Variants in C8orf89 observed in about 807,000 individuals in gnomAD.
C8orf89 encodes the protein putative uncharacterized protein C8orf89.
C8orf89 carries 14 observed loss-of-function variants against 15.8 expected under a neutral mutation model. The ratio of observed to expected loss-of-function variants is 0.89; its 90% CI spans 0.59 to 1.39. C8orf89 has a LOEUF of 1.39. Among genes scored for constraint, C8orf89 ranks in the 40% most tolerant of loss-of-function variants. C8orf89 has a pLI of 0.00. For missense variants in C8orf89, 181 were observed against 184.5 expected (o/e 0.98, Z 0.11); for synonymous variants, 55 against 62.2 (o/e 0.88, Z 0.54).
intron 2 of C8orf89, among the ~76,000 whole-genome samples, chr8:73,253,024 T>C (rs1035693570): frequency 1.3e-5 from 2 of 152,180 alleles, no homozygotes; most frequent in Admixed American, 1.3e-4. Context: ...GCGCCTGTAG[T>C]CCCAGCTACT....
chr8:73,250,990 C>T (rs1028231121), intron 2 of C8orf89, among the ~76,000 whole-genome samples: 5 of 151,858 alleles, frequency 3.3e-5, no homozygotes, highest in Non-Finnish European at 4.4e-5. Context: ...TTTGTAAAGA[C>T]GGGGTCTCAC....
At chr8:73,280,288 G>A in the C8orf89 span, among the ~76,000 whole-genome samples, 1 of 152,142 alleles carries the variant, frequency 6.6e-6, no homozygotes, top group African/African-American at 2.4e-5. Context: ...GCAAAATGGG[G>A]ACCCTTCCAT....
the C8orf89 span, chr8:73,277,723 G>A: frequency 1.3e-6 from 1 of 748,664 alleles, no homozygotes; most frequent in Non-Finnish European, 2.5e-6. Context: ...TGCATAGAGG[G>A]GGACACCCAG....
chr8:73,256,865 AAAAC>A, intron 2 of C8orf89, 104 bp downstream of exon 2: 204 of 717,404 alleles, frequency 2.8e-4, no homozygotes, highest in Middle Eastern at 5.3e-4. Flanking sequence ...AAAAAAAAAA[AAAAC>A]AGGCAAAAAT....
chr8:73,258,586 T>G (rs546439402), intron 1 of C8orf89, among the ~76,000 whole-genome samples: 1 of 151,872 alleles, frequency 6.6e-6, no homozygotes, highest in Non-Finnish European at 1.5e-5. Context: ...GGATTTAAGA[T>G]ACTCTCCACA....
chr8:73,259,471 C>A lies in C8orf89; in HGVS notation c.-13G>T, dbSNP rs993276999. ...ATAGCACTGACATTTTTTCTTCTTT[C>A]AACAGTGCTGATGAGAGGGAGATGC... On this transcript the variant is annotated 5_prime_UTR_variant, in exon 1 of 4. Coordinates refer to ENST00000624510, the MANE Select transcript of C8orf89 (RefSeq NM_001243237.3). 9.2e-6 allele frequency: 14 copies of A among 1,520,718 alleles called. No individual in the cohort carries two copies. The highest frequency in any genetic ancestry group is 1.2e-5 in the Non-Finnish European group (14 of 1,140,598). The allele number at this position is 1,520,718 out of a possible 1,614,324, so 94.2% of individuals were successfully genotyped here.
At chr8:73,253,548 T>C (rs540129191) in intron 2 of C8orf89, among the ~76,000 whole-genome samples, 1,668 of 151,798 alleles carry the variant, frequency 0.011, 16 homozygotes, top group Admixed American at 0.017. Context: ...TTTCACGATA[T>C]TGATTCTTCC....
upstream of C8orf89, among the ~76,000 whole-genome samples, chr8:73,261,913 C>T (rs902046882): frequency 2.0e-5 from 3 of 152,160 alleles, no homozygotes; most frequent in African/African-American, 7.2e-5. Context: ...CTAATGCTGC[C>T]ACCACCCTCT....
At chr8:73,268,199 G>A in the C8orf89 span, among the ~76,000 whole-genome samples, 2 of 152,206 alleles carry the variant, frequency 1.3e-5, no homozygotes, top group African/African-American at 4.8e-5. Context: ...AACATAGCAG[G>A]CTGGGCGCGG....
At chr8:73,245,584 T>C (rs1395258681) in intron 3 of C8orf89, among the ~76,000 whole-genome samples, 1 of 151,722 alleles carries the variant, frequency 6.6e-6, no homozygotes, top group Non-Finnish European at 1.5e-5. Flanking sequence ...AGCTCTTCAT[T>C]GAAAAAACTA....
the C8orf89 span, among the ~76,000 whole-genome samples, chr8:73,273,115 C>T: frequency 9.2e-5 from 14 of 152,312 alleles, 1 homozygote; most frequent in South Asian, 4.1e-4. Context: ...TGCCATGATG[C>T]CAGTTGCAGT....
intron 2 of C8orf89, among the ~76,000 whole-genome samples, chr8:73,252,944 A>G (rs914730006): frequency 7.2e-5 from 11 of 152,278 alleles, no homozygotes; most frequent in East Asian, 3.9e-4. Context: ...GATCGACACC[A>G]TCCTGGCTAA....
the C8orf89 span, among the ~76,000 whole-genome samples, chr8:73,265,774 A>G: frequency 1.3e-5 from 2 of 152,176 alleles, no homozygotes; most frequent in African/African-American, 2.4e-5. Flanking sequence ...CTCAAATTCA[A>G]AATGCCCCCA....
intron 2 of C8orf89, among the ~76,000 whole-genome samples, chr8:73,254,845 C>G (rs1043646574): frequency 2.6e-5 from 4 of 152,110 alleles, no homozygotes; most frequent in Non-Finnish European, 4.4e-5. Flanking sequence ...TTTGACAAAC[C>G]TGAGAAAAAT....
chr8:73,266,319 G>A, the C8orf89 span, among the ~76,000 whole-genome samples: 2 of 152,216 alleles, frequency 1.3e-5, no homozygotes, highest in African/African-American at 2.4e-5. Flanking sequence ...CTCTGAGATG[G>A]AGCAATCTAT....
the C8orf89 span, among the ~76,000 whole-genome samples, chr8:73,279,075 G>A: frequency 7.2e-5 from 11 of 151,994 alleles, no homozygotes; most frequent in African/African-American, 2.7e-4. Context: ...CTTGTCTTAT[G>A]GTTTCCATTC....
At chr8:73,275,521 A>G in the C8orf89 span, among the ~76,000 whole-genome samples, 1 of 152,144 alleles carries the variant, frequency 6.6e-6, no homozygotes, top group Non-Finnish European at 1.5e-5. Flanking sequence ...TACAGGCATG[A>G]GCCACTGTAC....
At position 73,256,549 on chromosome 8, in the gene C8orf89, GA is replaced by G. The variant is rs200970829; in HGVS notation, c.281+423del. Among the ~76,000 whole-genome samples the G allele has an allele frequency of 5.0e-3, 754 of 151,886 alleles. 4 individuals carry two copies. Among genetic ancestry groups the G allele is most frequent in the African/African-American group, 0.017 (724 of 41,424 alleles). On this transcript the variant is annotated intron_variant, in intron 2 of 3. Transcript: ENST00000624510. ...TCAAGACCATCCTGGCCAACTTGGTGAAACTCCGTCTCTACTAAAAATACAA... is the reference window on the plus strand; with the variant it reads ...TCAAGACCATCCTGGCCAACTTGGTGAACTCCGTCTCTACTAAAAATACAA...
intron 2 of C8orf89, among the ~76,000 whole-genome samples, chr8:73,255,974 C>T (rs201169258): frequency 1.1e-4 from 8 of 71,704 alleles, no homozygotes; most frequent in South Asian, 4.8e-4. Flanking sequence ...TGGGGGGAGG[C>T]GGGAGGGATA....
Sources: gnomAD v4.1 joint callset for allele counts (sites outside exome capture counted in the v4.1 genomes callset) on GRCh38, gnomAD v4.1.1 for gene constraint, MANE v1.5 for transcripts, NCBI Gene and HGNC (gene_info 2026-07-23, HGNC 2026-07-21) for gene names.